SLC39A10: variants seen among roughly 807,000 people sequenced by gnomAD.
SLC39A10 encodes solute carrier family 39 member 10.
In SLC39A10, 13 loss-of-function variants were observed where a neutral mutation model predicts 65.1. That is an observed-to-expected ratio of 0.20 (90% CI 0.13 to 0.32). The LOEUF (loss-of-function observed/expected upper bound fraction) is 0.32. Ranked by LOEUF, SLC39A10 falls within the 10% of genes least tolerant of loss-of-function variation. The pLI, the probability that SLC39A10 is intolerant of heterozygous loss-of-function variation, is 1.00. For missense variants in SLC39A10, 831 were observed against 1,018.4 expected (o/e 0.82, Z 2.50); for synonymous variants, 321 against 342.2 (o/e 0.94, Z 0.68).
chr2:195,633,481 C>T (rs1449165635), intron 2 of SLC39A10, among the ~76,000 whole-genome samples: 1 of 152,184 alleles, frequency 6.6e-6, no homozygotes, highest in Non-Finnish European at 1.5e-5. Flanking sequence ...GCTCAGTGGG[C>T]CCTCTGCCTT....
At chr2:195,630,735 G>A (rs1434626046) in intron 2 of SLC39A10, among the ~76,000 whole-genome samples, 2 of 152,136 alleles carry the variant, frequency 1.3e-5, no homozygotes, top group African/African-American at 4.8e-5. Context: ...AGAATTTGAG[G>A]AAGAAATTAT....
chr2:195,624,908 A>G (rs1362028652), intron 2 of SLC39A10, among the ~76,000 whole-genome samples: 2 of 147,102 alleles, frequency 1.4e-5, no homozygotes, highest in Non-Finnish European at 1.5e-5. Flanking sequence ...AAAAAAAAAA[A>G]AGTTTAGTAA....
At chr2:195,625,425 G>A (rs1688451899) in intron 2 of SLC39A10, among the ~76,000 whole-genome samples, 1 of 150,554 alleles carries the variant, frequency 6.6e-6, no homozygotes, top group Non-Finnish European at 1.5e-5. Context: ...ACAGGCACCT[G>A]CCACCACGCC....
chr2:195,731,361 T>C (rs1275803604), intron 9 of SLC39A10, among the ~76,000 whole-genome samples: 2 of 152,156 alleles, frequency 1.3e-5, no homozygotes, highest in Admixed American at 1.3e-4. Context: ...TTATCTAAAA[T>C]TTAAATCTCC....
At chr2:195,729,961 ATTTTTTTTTTT>A (rs58936616) in intron 9 of SLC39A10, among the ~76,000 whole-genome samples, 3 of 92,136 alleles carry the variant, frequency 3.3e-5, no homozygotes, top group African/African-American at 4.6e-5. Context: ...ACCATGCCTA[ATTTTTTTTTTT>A]TTTTTTTTTT....
intron 1 of SLC39A10, among the ~76,000 whole-genome samples, chr2:195,676,643 C>G (rs979710329): frequency 6.6e-6 from 1 of 152,184 alleles, no homozygotes; most frequent in Non-Finnish European, 1.5e-5. Context: ...CTCTGTTCCA[C>G]TCCACTGGCC....
intron 1 of SLC39A10, among the ~76,000 whole-genome samples, chr2:195,667,382 A>C (rs1689674114): frequency 6.6e-6 from 1 of 152,208 alleles, no homozygotes; most frequent in African/African-American, 2.4e-5. Flanking sequence ...TCCCTTGAAG[A>C]ATATTCTAAT....
At chr2:195,704,934 G>A (rs1691344661) in intron 3 of SLC39A10, among the ~76,000 whole-genome samples, 1 of 151,912 alleles carries the variant, frequency 6.6e-6, no homozygotes, top group South Asian at 2.1e-4. Flanking sequence ...AGTAGCTGGG[G>A]CTACAGGCAT....
At chr2:195,670,768 C>A (rs988038247) in intron 1 of SLC39A10, among the ~76,000 whole-genome samples, 1 of 152,140 alleles carries the variant, frequency 6.6e-6, no homozygotes, top group Non-Finnish European at 1.5e-5. Flanking sequence ...ACTAATTTTA[C>A]AACTTCTTGT....
upstream of SLC39A10, among the ~76,000 whole-genome samples, chr2:195,653,118 C>T (rs1480256830): frequency 6.6e-6 from 1 of 152,078 alleles, no homozygotes; most frequent in Non-Finnish European, 1.5e-5. Flanking sequence ...ATGTTTCCCA[C>T]AAGAGACAGT....
At chr2:195,620,164 T>C (rs1688321616) in intron 2 of SLC39A10, among the ~76,000 whole-genome samples, 1 of 151,988 alleles carries the variant, frequency 6.6e-6, no homozygotes, top group South Asian at 2.1e-4. Flanking sequence ...CCTCAAGTGA[T>C]CCCCCCGCCT....
At chr2:195,717,089 T>C (rs1007190887) in intron 7 of SLC39A10, 84 bp downstream of exon 7, 69 of 1,497,902 alleles carry the variant, frequency 4.6e-5, no homozygotes, top group African/African-American at 5.6e-5. Flanking sequence ...TTAACAAATA[T>C]ATGGTTATGT....
chr2:195,647,996 A>G (rs1688959805), intron 2 of SLC39A10, among the ~76,000 whole-genome samples: 1 of 152,138 alleles, frequency 6.6e-6, no homozygotes, highest in Non-Finnish European at 1.5e-5. Context: ...CATTTAATTA[A>G]TGAATTAATT....
At chr2:195,618,766 G>A (rs1019280897) in intron 2 of SLC39A10, among the ~76,000 whole-genome samples, 3 of 152,012 alleles carry the variant, frequency 2.0e-5, no homozygotes, top group Non-Finnish European at 4.4e-5. Flanking sequence ...ATTTTTTTAA[G>A]GTAAAAAATG....
At chr2:195,717,829 T>G (rs1010823927) in intron 7 of SLC39A10, among the ~76,000 whole-genome samples, 7 of 152,222 alleles carry the variant, frequency 4.6e-5, no homozygotes, top group African/African-American at 1.7e-4. Flanking sequence ...CTTTGTGCCA[T>G]TTATTTTCCA....
intron 1 of SLC39A10, among the ~76,000 whole-genome samples, chr2:195,665,561 G>T (rs1298054076): frequency 6.6e-6 from 1 of 152,028 alleles, no homozygotes; most frequent in East Asian, 1.9e-4. Flanking sequence ...TTATTTTATT[G>T]GTTTGTCAAC....
intron 6 of SLC39A10, among the ~76,000 whole-genome samples, chr2:195,715,276 C>G (rs1321219976): frequency 5.3e-5 from 8 of 151,868 alleles, no homozygotes; most frequent in African/African-American, 1.9e-4. Context: ...GCCTGTCATC[C>G]CGGCACTTTG....
chr2:195,653,137 G>T (rs1689076626), upstream of SLC39A10, among the ~76,000 whole-genome samples: 1 of 152,070 alleles, frequency 6.6e-6, no homozygotes, highest in South Asian at 2.1e-4. Flanking sequence ...GTTTTGCAAG[G>T]CCATTTCAAA....
chr2:195,703,590 T>TTA, intron 3 of SLC39A10, among the ~76,000 whole-genome samples: 1 of 152,208 alleles, frequency 6.6e-6, no homozygotes, highest in Non-Finnish European at 1.5e-5. Flanking sequence ...AGAGTTAAAA[T>TTA]GTTCAAAGTA....
Sources: allele counts gnomAD v4.1 joint callset (sites outside exome capture counted in the v4.1 genomes callset), GRCh38; gene constraint gnomAD v4.1.1; transcripts MANE v1.5; gene names NCBI Gene and HGNC (gene_info 2026-07-23, HGNC 2026-07-21).